Variants in CERS6 observed in about 807,000 individuals in gnomAD.
CERS6 encodes ceramide synthase 6, also known as LAG1 homolog, ceramide synthase 6.
In CERS6, 26 loss-of-function variants were observed where a neutral mutation model predicts 56.8. The ratio of observed to expected loss-of-function variants is 0.46; its 90% CI spans 0.34 to 0.63. The LOEUF (loss-of-function observed/expected upper bound fraction) is 0.63, where lower values mean the gene tolerates loss of function less well. CERS6 is among the 30% of genes least tolerant of loss of function. CERS6 has a pLI of 0.01. For synonymous variants in CERS6, 164 were observed against 173.3 expected (o/e 0.95, Z 0.42); for missense variants, 415 against 467.5 (o/e 0.89, Z 1.04).
At chr2:168,591,628 T>C (rs947105673) in intron 3 of CERS6, among the ~76,000 whole-genome samples, 3 of 152,238 alleles carry the variant, frequency 2.0e-5, no homozygotes, top group Non-Finnish European at 4.4e-5. Context: ...CCTTTTTCAC[T>C]GACATTTAAA....
intron 3 of CERS6, among the ~76,000 whole-genome samples, chr2:168,599,152 C>T (rs540922670): frequency 6.6e-6 from 1 of 152,270 alleles, no homozygotes; most frequent in Admixed American, 6.5e-5. Context: ...AAAGGTTAAG[C>T]AAATTGACTC....
intron 4 of CERS6, among the ~76,000 whole-genome samples, chr2:168,689,908 A>T (rs1475492883): frequency 1.3e-5 from 2 of 152,124 alleles, no homozygotes; most frequent in Non-Finnish European, 2.9e-5. Context: ...CACAGTGGTT[A>T]TGTTTGGGTT....
chr2:168,486,605 C>G (rs979464277), intron 1 of CERS6, among the ~76,000 whole-genome samples: 2 of 151,266 alleles, frequency 1.3e-5, no homozygotes, highest in African/African-American at 4.9e-5. Flanking sequence ...ACGGAATTGC[C>G]TTTGCTCTTT....
intron 4 of CERS6, among the ~76,000 whole-genome samples, chr2:168,668,470 A>G (rs1370961301): frequency 7.2e-6 from 1 of 139,390 alleles, no homozygotes; most frequent in African/African-American, 2.7e-5. Flanking sequence ...TTCTGGAGAC[A>G]GAGTCTCATT....
chr2:168,499,993 AGT>A (rs1386902181), intron 1 of CERS6, among the ~76,000 whole-genome samples: 1 of 152,146 alleles, frequency 6.6e-6, no homozygotes, highest in Non-Finnish European at 1.5e-5. Context: ...TCAGAGCAGC[AGT>A]GTGCTACCCT....
intron 3 of CERS6, among the ~76,000 whole-genome samples, chr2:168,579,037 T>A (rs1000867731): frequency 1.3e-5 from 2 of 152,130 alleles, no homozygotes; most frequent in African/African-American, 4.8e-5. Context: ...AGGAACACAA[T>A]AATTCCTTCG....
At chr2:168,698,192 G>C (rs1398728419) in intron 6 of CERS6, among the ~76,000 whole-genome samples, 1 of 125,564 alleles carries the variant, frequency 8.0e-6, no homozygotes, top group Non-Finnish European at 1.7e-5. Flanking sequence ...AGATGGCACC[G>C]CCGCACTCCA....
Position 168,627,243 on chromosome 2 carries a change from G to T in CERS6, c.408-3742G>T, listed in dbSNP as rs145331336. On this transcript the variant is annotated intron_variant, in intron 3 of 9. Coordinates refer to ENST00000305747, the MANE Select transcript of CERS6 (RefSeq NM_203463.3). ...GTATTAAATTATCCCTTAAAAACAA[G>T]AGCATTTAATTTGGCAATGAAATTT... Among the ~76,000 whole-genome samples, 582 of 152,144 alleles carry T rather than the reference G, an allele frequency of 3.8e-3. 3 individuals are homozygous for T. The highest frequency in any genetic ancestry group is 0.013 in the African/African-American group (557 of 41,492).
chr2:168,657,122 G>A (rs1685498371), intron 4 of CERS6, among the ~76,000 whole-genome samples: 1 of 151,680 alleles, frequency 6.6e-6, no homozygotes, highest in Admixed American at 6.6e-5. Flanking sequence ...CACCAGAGCA[G>A]CTAGATACCT....
Position 168,631,974 on chromosome 2 carries a change from C to T in CERS6, c.465+932C>T, listed in dbSNP as rs12613101. Among the ~76,000 whole-genome samples, 222 of 149,636 alleles carry T rather than the reference C, an allele frequency of 1.5e-3. 6 individuals are homozygous for T. In the East Asian group the frequency reaches 0.034, roughly 23 times the overall value. On this transcript the variant is annotated intron_variant, in intron 4 of 9. Transcript: ENST00000305747. ...AGCACTAACTGCTGGTGGAAAATTT[C>T]ATTTCTTTCATAAGATCATTTCCCC...
intron 2 of CERS6, among the ~76,000 whole-genome samples, chr2:168,551,205 AATT>A (rs1272587612): frequency 1.3e-5 from 2 of 152,146 alleles, no homozygotes. Context: ...TCCTTTGTGA[AATT>A]ATTAATAGCT....
chr2:168,719,885 A>G (rs996751917), intron 8 of CERS6, among the ~76,000 whole-genome samples: 5 of 152,032 alleles, frequency 3.3e-5, no homozygotes, highest in Non-Finnish European at 7.4e-5. Flanking sequence ...TTTTTAAAAG[A>G]TGAAAGGTGA....
intron 5 of CERS6, among the ~76,000 whole-genome samples, chr2:168,693,450 A>T (rs943820972): frequency 6.6e-6 from 1 of 152,060 alleles, no homozygotes; most frequent in African/African-American, 2.4e-5. Context: ...GTGATGTGGA[A>T]GTAAGAGAAT....
intron 6 of CERS6, among the ~76,000 whole-genome samples, chr2:168,700,484 T>A (rs1015733473): frequency 1.3e-5 from 2 of 152,156 alleles, no homozygotes; most frequent in African/African-American, 4.8e-5. Context: ...CATTGATTCA[T>A]AAAGGAAAGG....
intron 1 of CERS6, among the ~76,000 whole-genome samples, chr2:168,475,657 G>A (rs1044988354): frequency 6.6e-6 from 1 of 152,112 alleles, no homozygotes; most frequent in Non-Finnish European, 1.5e-5. Context: ...GTATCCAAGG[G>A]TTTGAATTGG....
chr2:168,736,293 T>TA (rs756844677), intron 8 of CERS6, among the ~76,000 whole-genome samples: 1 of 152,208 alleles, frequency 6.6e-6, no homozygotes, highest in Non-Finnish European at 1.5e-5. Flanking sequence ...CGATAGTTGA[T>TA]ACATGTACAC....
chr2:168,742,854 G>T (rs1213062775), intron 8 of CERS6, among the ~76,000 whole-genome samples: 1 of 152,110 alleles, frequency 6.6e-6, no homozygotes, highest in African/African-American at 2.4e-5. Context: ...GCAGTGGGGG[G>T]TCATTAGAAG....
chr2:168,472,074 G>A (rs537067879), intron 1 of CERS6, among the ~76,000 whole-genome samples: 1 of 152,298 alleles, frequency 6.6e-6, no homozygotes, highest in African/African-American at 2.4e-5. Flanking sequence ...CCATCTTGGA[G>A]AAACGCTGAT....
chr2:168,725,801 G>A (rs972109530), intron 8 of CERS6, among the ~76,000 whole-genome samples: 5 of 152,138 alleles, frequency 3.3e-5, no homozygotes, highest in Admixed American at 2.0e-4. Context: ...ATTTTCTCTT[G>A]TATTTAAATT....
Sources: allele counts gnomAD v4.1 joint callset (sites outside exome capture counted in the v4.1 genomes callset), GRCh38; gene constraint gnomAD v4.1.1; transcripts MANE v1.5; gene names NCBI Gene and HGNC (gene_info 2026-07-23, HGNC 2026-07-21).